The following MBD2 variants were observed in gnomAD, a reference collection of about 807,000 sequenced individuals.
MBD2 encodes methyl-CpG-binding domain protein 2.
A neutral mutation model predicts 39.3 loss-of-function variants in MBD2; 9 were observed. That is an observed-to-expected ratio of 0.23 (90% CI 0.14 to 0.40). The LOEUF is 0.40. Among genes scored for constraint, MBD2 ranks in the 10% least tolerant of loss-of-function variants. The pLI, the probability that MBD2 is intolerant of heterozygous loss-of-function variation, is 1.00. For synonymous variants in MBD2, 233 were observed against 211.1 expected (o/e 1.10, Z -0.90); for missense variants, 458 against 532.6 (o/e 0.86, Z 1.38).
At chr18:54,214,498 C>T (rs1245246632) in intron 1 of MBD2, among the ~76,000 whole-genome samples, 1 of 152,034 alleles carries the variant, frequency 6.6e-6, no homozygotes, top group Non-Finnish European at 1.5e-5. Flanking sequence ...CATACCTGAC[C>T]TATGCATAAT....
intron 5 of MBD2, among the ~76,000 whole-genome samples, chr18:54,161,577 G>A (rs2086098480): frequency 6.6e-6 from 1 of 152,172 alleles, no homozygotes; most frequent in Admixed American, 6.5e-5. Flanking sequence ...GGAGAAAATG[G>A]AGCAAATGGC....
intron 5 of MBD2, among the ~76,000 whole-genome samples, chr18:54,161,463 C>T (rs895067328): frequency 6.6e-6 from 1 of 152,132 alleles, no homozygotes; most frequent in East Asian, 1.9e-4. Context: ...GGGTCAGTGA[C>T]TCAAAGTTTA....
rs1183206443 is a variant in MBD2, at chr18:54,154,767, T to C, written c.*557A>G. 1 of 152,648 alleles carries C rather than the reference T, an allele frequency of 6.6e-6. No individual in the cohort carries two copies. Among genetic ancestry groups the C allele is most frequent in the East Asian group, 1.9e-4 (1 of 5,200 alleles). 9.5% of individuals were successfully genotyped at this position (152,648 alleles called of 1,614,324 possible). ...CTAAGGCCCAGGGATCAGAGTTGAA[T>C]GTAAATCAGAGGAAGGCTAACGAGG... On this transcript the variant is annotated 3_prime_UTR_variant, in exon 7 of 7. Transcript: ENST00000256429.
chr18:54,219,611 T>C (rs889184023), intron 1 of MBD2, among the ~76,000 whole-genome samples: 12 of 152,146 alleles, frequency 7.9e-5, no homozygotes, highest in South Asian at 2.1e-4. Context: ...ACTATGACAA[T>C]AGTCACATTG....
intron 1 of MBD2, among the ~76,000 whole-genome samples, chr18:54,211,413 A>ACACT (rs1431910762): frequency 6.7e-6 from 1 of 149,712 alleles, no homozygotes; most frequent in African/African-American, 2.5e-5. Context: ...ACACACACAC[A>ACACT]CGCACACACG....
At chr18:54,215,622 A>G (rs1242017753) in intron 1 of MBD2, among the ~76,000 whole-genome samples, 2 of 151,458 alleles carry the variant, frequency 1.3e-5, no homozygotes, top group Non-Finnish European at 2.9e-5. Context: ...CAGCCTCCCG[A>G]GTAGCTGGGA....
chr18:54,212,733 A>G (rs1237943090), intron 1 of MBD2, among the ~76,000 whole-genome samples: 2 of 150,290 alleles, frequency 1.3e-5, no homozygotes, highest in Non-Finnish European at 3.0e-5. Flanking sequence ...CAATTTGAGC[A>G]TTAAAGAATT....
At chr18:54,194,944 TATG>T (rs1351339759) in intron 2 of MBD2, among the ~76,000 whole-genome samples, 1 of 152,130 alleles carries the variant, frequency 6.6e-6, no homozygotes, top group African/African-American at 2.4e-5. Flanking sequence ...AGTGTCCCTT[TATG>T]ATATCAAACA....
chr18:54,172,689 G>A (rs972449689), intron 3 of MBD2, among the ~76,000 whole-genome samples: 5 of 151,992 alleles, frequency 3.3e-5, no homozygotes, highest in Non-Finnish European at 7.4e-5. Flanking sequence ...GTATACTCAC[G>A]ACCTCAACTT....
intron 6 of MBD2, 79 bp downstream of exon 6, chr18:54,159,686 G>A (rs1182853594): frequency 6.6e-7 from 1 of 1,513,744 alleles, no homozygotes; most frequent in Non-Finnish European, 9.0e-7. Context: ...CCAAGTGCTG[G>A]GATTACAGGC....
Position 54,153,879 on chromosome 18 carries a change from T to A in MBD2, c.*1445A>T, listed in dbSNP as rs1377022559. 5.2e-5 allele frequency: 8 copies of A among 152,416 alleles called. No homozygotes were observed. The East Asian group carries it at 1.5e-3, about 29-fold the overall frequency. 9.4% of individuals were successfully genotyped at this position (152,416 alleles called of 1,614,324 possible). On this transcript the variant is annotated 3_prime_UTR_variant, in exon 7 of 7. Coordinates refer to ENST00000256429, the MANE Select transcript of MBD2 (RefSeq NM_003927.5). ...AATCAGGAATTCCAAGAAGTATTTA[T>A]GTAGTTTGGCATAAAAGTCCAGGAA...
At chr18:54,209,216 G>A (rs1258499534) in intron 1 of MBD2, among the ~76,000 whole-genome samples, 2 of 146,938 alleles carry the variant, frequency 1.4e-5, no homozygotes, top group Non-Finnish European at 3.0e-5. Flanking sequence ...AGAATTGCTT[G>A]AACCTGGGAG....
At chr18:54,220,824 TTAAC>T (rs1254634281) in intron 1 of MBD2, among the ~76,000 whole-genome samples, 1 of 152,224 alleles carries the variant, frequency 6.6e-6, no homozygotes, top group Non-Finnish European at 1.5e-5. Context: ...ACAAGTCAAA[TTAAC>T]TACTGTATCA....
In MBD2 at chr18:54,165,263, T is replaced by A. The variant is rs118012806; in HGVS notation, c.932-563A>T. Among the ~76,000 whole-genome samples, 989 of 152,298 alleles carry A rather than the reference T, an allele frequency of 6.5e-3. 5 individuals carry two copies. The highest frequency in any genetic ancestry group is 0.011 in the Non-Finnish European group (723 of 68,010). On this transcript the variant is annotated intron_variant, in intron 4 of 6. Transcript: ENST00000256429. ...TCTGTGGCTTTAACAGCTTTTTTCATAAACCTAACAAAATATCCAAAATCA... is the reference window on the plus strand; with the variant it reads ...TCTGTGGCTTTAACAGCTTTTTTCAAAAACCTAACAAAATATCCAAAATCA...
intron 1 of MBD2, among the ~76,000 whole-genome samples, chr18:54,205,463 C>T (rs192809827): frequency 1.3e-5 from 2 of 151,714 alleles, no homozygotes; most frequent in African/African-American, 2.4e-5. Context: ...TGGTGGTGGG[C>T]GCCTGTAATC....
chr18:54,159,971 AAG>A, intron 5 of MBD2, 68 bp from the exon 6 acceptor site: 1 of 1,515,676 alleles, frequency 6.6e-7, no homozygotes, highest in East Asian at 2.3e-5. Context: ...TCTGCTACAG[AAG>A]TTCATCCTTA....
At chr18:54,193,313 C>A in intron 2 of MBD2, among the ~76,000 whole-genome samples, 1 of 152,134 alleles carries the variant, frequency 6.6e-6, no homozygotes, top group East Asian at 1.9e-4. Flanking sequence ...CTTATATCTT[C>A]AATATAAGAA....
chr18:54,177,606 G>A (rs2086221118), intron 3 of MBD2, among the ~76,000 whole-genome samples: 1 of 151,896 alleles, frequency 6.6e-6, no homozygotes. Context: ...TCGGCCTCCG[G>A]AGTAGCTGGG....
chr18:54,172,413 T>A (rs139115946), intron 3 of MBD2, among the ~76,000 whole-genome samples: 557 of 152,212 alleles, frequency 3.7e-3, no homozygotes, highest in Non-Finnish European at 5.3e-3. Context: ...ACACTAACGA[T>A]GGTATGGGAG....
Sources: gnomAD v4.1 joint callset for allele counts (sites outside exome capture counted in the v4.1 genomes callset) on GRCh38, gnomAD v4.1.1 for gene constraint, MANE v1.5 for transcripts, NCBI Gene and HGNC (gene_info 2026-07-23, HGNC 2026-07-21) for gene names.